PSMA4: variants seen among roughly 807,000 people sequenced by gnomAD.
PSMA4 encodes the protein proteasome subunit alpha type-4.
Under a neutral mutation model 37.2 loss-of-function variants are expected in PSMA4, and 8 were observed. The observed-to-expected ratio is 0.22, with a 90% CI of 0.13 to 0.39. The LOEUF is 0.39. Among genes scored for constraint, PSMA4 ranks in the 10% least tolerant of loss-of-function variants. The pLI is 1.00. For synonymous variants in PSMA4, 93 were observed against 98.8 expected (o/e 0.94, Z 0.35); for missense variants, 169 against 305.1 (o/e 0.55, Z 3.32).
rs773933510 is a variant in PSMA4 at position 78,542,468 on chromosome 15, G to A, written c.47-15G>A. On this transcript the variant is annotated splice_polypyrimidine_tract_variant and intron_variant, in intron 3 of 8. Coordinates refer to ENST00000044462, the MANE Select transcript of PSMA4 (RefSeq NM_002789.6). The stretch of plus-strand genomic sequence containing the variant: ...CAGAGGAGAGTCTTGGCTTCTCACT[G>A]CTTTTGTTTTGTAGGTCGCTTATAC... The A allele has an allele frequency of 5.0e-6, 8 of 1,608,818 alleles. No homozygotes were observed. Among genetic ancestry groups the A allele is most frequent in the Admixed American group, 1.7e-5 (1 of 58,892 alleles).
At chr15:78,543,563 A>C (rs2052494493) in intron 4 of PSMA4, among the ~76,000 whole-genome samples, 1 of 112,626 alleles carries the variant, frequency 8.9e-6, no homozygotes, top group African/African-American at 3.2e-5. Context: ...TGTCTAGCAA[A>C]ATCTTTTTTT....
chr15:78,542,164 T>A lies in PSMA4; in HGVS notation c.4-13T>A. 6.2e-7 allele frequency: 1 copy of A among 1,611,662 alleles called. No homozygotes were observed. Among genetic ancestry groups the A allele is most frequent in the Non-Finnish European group, 8.5e-7 (1 of 1,178,592 alleles). ...CAGTGGGTAGGAATCACTCATGTGT[T>A]TTTCCTTTGCAGTCTCGAAGATATG... On this transcript the variant is annotated splice_polypyrimidine_tract_variant and intron_variant, in intron 2 of 8. Transcript: ENST00000044462.
At position 78,552,014 on chromosome 15, in the gene PSMA4, A is replaced by G. The variant is rs880395; in HGVS notation, c.*3070A>G. 0.67 allele frequency: 101,483 copies of G among 152,142 alleles called. 34,582 individuals carry two copies. Among genetic ancestry groups the G allele is most frequent in the East Asian group, 0.84 (4,321 of 5,170 alleles). The allele number at this position is 152,142 out of a possible 1,614,324, so 9.4% of individuals were successfully genotyped here. On this transcript the variant is annotated 3_prime_UTR_variant, in exon 9 of 9. Coordinates refer to ENST00000044462, the MANE Select transcript of PSMA4 (RefSeq NM_002789.6). ...AGCAAAAGATAGGAGGTGAGGCAAA[A>G]GCTACTCTTTAACTGTGAGTTTTTT...
In PSMA4 at chr15:78,542,554, A is replaced by G. The variant is rs1420857301; in HGVS notation, c.118A>G (p.Asn40Asp). 1 of 1,614,076 alleles carries G rather than the reference A, an allele frequency of 6.2e-7. No individual in the cohort carries two copies. Among genetic ancestry groups the G allele is most frequent in the Non-Finnish European group, 8.5e-7 (1 of 1,180,032 alleles). ...AGGCACCTGTTTGGGAATTTTAGCA[A>G]ATGATGGTGTTTTGCTTGCAGCAGA... ...HAGTCLGILA[N>D]DGVLLAAERR... The change falls in exon 4 of 9, where the codon AAT becomes GAT. Residue 40 changes from asparagine to aspartate, a missense_variant. Physicochemically the swap from Asn to Asp is conservative, Grantham distance 23. Transcript: ENST00000044462.
chr15:78,548,646 A>G, intron 8 of PSMA4, 144 bp from the exon 9 acceptor site: 1 of 1,052,190 alleles, frequency 9.5e-7, no homozygotes, highest in Non-Finnish European at 1.3e-6. Context: ...ATAAAAGGGA[A>G]TAATGTTAAG....
rs1317425782 is a variant in PSMA4, at chr15:78,549,775, G to T, written c.*831G>T. On this transcript the variant is annotated 3_prime_UTR_variant, in exon 9 of 9. Coordinates refer to ENST00000044462, the MANE Select transcript of PSMA4 (RefSeq NM_002789.6). The stretch of plus-strand genomic sequence containing the variant: ...AGTAAAACTTTAAGAAGTTTTTGTT[G>T]CATATTAGAATCACCTAGGAAGCTT... 6.6e-6 allele frequency: 1 copy of T among 152,206 alleles called. No individual in the cohort carries two copies. Among genetic ancestry groups the T allele is most frequent in the African/African-American group, 2.4e-5 (1 of 41,460 alleles). The allele number at this position is 152,206 out of a possible 1,614,324, so 9.4% of individuals were successfully genotyped here. A position where few individuals can be genotyped will look rare whatever the true frequency, so the allele number is the denominator to read the frequency against.
chr15:78,543,461 T>C (rs2052492073), intron 4 of PSMA4, among the ~76,000 whole-genome samples: 2 of 152,080 alleles, frequency 1.3e-5, no homozygotes, highest in African/African-American at 4.8e-5. Flanking sequence ...AGCCCTGTAC[T>C]TCCTAAGCAG....
At chr15:78,548,702 G>C in intron 8 of PSMA4, 88 bp from the exon 9 acceptor site, 1 of 1,504,754 alleles carries the variant, frequency 6.6e-7, no homozygotes, top group Non-Finnish European at 8.9e-7. Context: ...ATGATGTGGC[G>C]AGCATAAACC....
chr15:78,543,566 CTTTTTTTT>C (rs11414100), intron 4 of PSMA4, among the ~76,000 whole-genome samples: 8 of 109,770 alleles, frequency 7.3e-5, no homozygotes, highest in Non-Finnish European at 1.2e-4. Context: ...CTAGCAAAAT[CTTTTTTTT>C]TTTTTTTTTT....
intron 8 of PSMA4, 85 bp from the exon 9 acceptor site, chr15:78,548,705 C>T (rs2052599412): frequency 5.9e-6 from 9 of 1,515,620 alleles, no homozygotes; most frequent in Middle Eastern, 1.8e-4. Context: ...ATGTGGCGAG[C>T]ATAAACCATG....
rs917898426 is a variant in PSMA4, at chr15:78,551,180, T to C, written c.*2236T>C. On this transcript the variant is annotated 3_prime_UTR_variant, in exon 9 of 9. Coordinates refer to ENST00000044462, the MANE Select transcript of PSMA4 (RefSeq NM_002789.6). The stretch of plus-strand genomic sequence containing the variant: ...TCCAGCAGCAGCCACAGTGATCCTT[T>C]CAAAATGTAAACGGTACTACTGCAC... The C allele has an allele frequency of 5.9e-5, 9 of 152,208 alleles. No individual in the cohort carries two copies. Among genetic ancestry groups the C allele is most frequent in the Admixed American group, 5.9e-4 (9 of 15,268 alleles). The allele number at this position is 152,208 out of a possible 1,614,324, so 9.4% of individuals were successfully genotyped here.
At position 78,551,871 on chromosome 15, in the gene PSMA4, A is replaced by T. The variant is rs1346548213; in HGVS notation, c.*2927A>T. The T allele has an allele frequency of 6.6e-6, 1 of 152,180 alleles. No homozygotes were observed. Among genetic ancestry groups the T allele is most frequent in the Admixed American group, 6.5e-5 (1 of 15,276 alleles). 9.4% of individuals were successfully genotyped at this position (152,180 alleles called of 1,614,324 possible). The stretch of plus-strand genomic sequence containing the variant: ...AACTTCTTCAAAGGCAATAGTGAAT[A>T]AGAGAGCCTGGTATAGTTTGCCGCC... On this transcript the variant is annotated 3_prime_UTR_variant, in exon 9 of 9. Transcript: ENST00000044462.
In PSMA4 at chr15:78,542,438, G is replaced by A. The variant is rs773585792; in HGVS notation, c.47-45G>A. On this transcript the variant is annotated intron_variant, in intron 3 of 8. Transcript: ENST00000044462. Reference sequence around the variant, plus strand: ...GATTTCTTTTGGGCCAGTGGTGCAGGAGCACAGAGGAGAGTCTTGGCTTCT... The same window carrying A: ...GATTTCTTTTGGGCCAGTGGTGCAGAAGCACAGAGGAGAGTCTTGGCTTCT... 6.9e-6 allele frequency: 11 copies of A among 1,585,938 alleles called. No individual in the cohort carries two copies. The Admixed American group carries it at 2.0e-4, about 29-fold the overall frequency.
At position 78,551,077 on chromosome 15, in the gene PSMA4, C is replaced by T. The variant is rs2052636799; in HGVS notation, c.*2133C>T. On this transcript the variant is annotated 3_prime_UTR_variant, in exon 9 of 9. Coordinates refer to ENST00000044462, the MANE Select transcript of PSMA4 (RefSeq NM_002789.6). ...ACTGCAGGAACGCTGGTCCAATTCA[C>T]CATTATCTCTGACTTGGACTATTGC... 1 of 152,146 alleles carries T rather than the reference C, an allele frequency of 6.6e-6. No individual in the cohort carries two copies. The highest frequency in any genetic ancestry group is 6.5e-5 in the Admixed American group (1 of 15,268). 9.4% of individuals were successfully genotyped at this position (152,146 alleles called of 1,614,324 possible).
chr15:78,546,103 AC>A (rs1438481107), intron 7 of PSMA4, among the ~76,000 whole-genome samples: 3 of 151,712 alleles, frequency 2.0e-5, no homozygotes, highest in Admixed American at 6.6e-5. Context: ...GAGCATTAGT[AC>A]CCCCTCTTCT....
In PSMA4 at chr15:78,542,161, T is replaced by G; in HGVS notation, c.4-16T>G. 2.5e-6 allele frequency: 4 copies of G among 1,611,236 alleles called. No individual in the cohort carries two copies. Among genetic ancestry groups the G allele is most frequent in the Non-Finnish European group, 3.4e-6 (4 of 1,178,044 alleles). ...TTTCAGTGGGTAGGAATCACTCATG[T>G]GTTTTTCCTTTGCAGTCTCGAAGAT... On this transcript the variant is annotated splice_polypyrimidine_tract_variant and intron_variant, in intron 2 of 8. Transcript: ENST00000044462.
intron 3 of PSMA4, 76 bp downstream of exon 3, chr15:78,542,295 C>A: frequency 2.0e-6 from 3 of 1,486,006 alleles, no homozygotes; most frequent in Non-Finnish European, 2.7e-6. Context: ...AAATTACAAA[C>A]TTTTTTTGGT....
intron 1 of PSMA4, chr15:78,541,600 T>G (rs1484805208): frequency 5.6e-6 from 2 of 355,030 alleles, no homozygotes; most frequent in African/African-American, 2.2e-5. Flanking sequence ...CCATCTCTGA[T>G]TTACTTTCAT....
In PSMA4 at chr15:78,544,051, T is replaced by C. The variant is rs1028821035; in HGVS notation, c.210-139T>C. 1.9e-4 allele frequency: 115 copies of C among 597,410 alleles called. No homozygotes were observed. The East Asian group carries it at 3.3e-3, about 17-fold the overall frequency. The allele number at this position is 597,410 out of a possible 1,614,324, so 37.0% of individuals were successfully genotyped here. ...ACATCTCCTACAAAGATAAAACTTG[T>C]AGGTTTTTTCTGAAGGAAGTAGCTG... On this transcript the variant is annotated intron_variant, in intron 4 of 8. Transcript: ENST00000044462.
Sources: allele counts gnomAD v4.1 joint callset (sites outside exome capture counted in the v4.1 genomes callset), GRCh38; gene constraint gnomAD v4.1.1; transcripts MANE v1.5; gene names NCBI Gene and HGNC (gene_info 2026-07-23, HGNC 2026-07-21).